FBXL2: variants seen among roughly 807,000 people sequenced by gnomAD.
FBXL2 encodes F-box/LRR-repeat protein 2.
In FBXL2, 38 loss-of-function variants were observed where a neutral mutation model predicts 69.2. That is an observed-to-expected ratio of 0.55 (90% CI 0.42 to 0.72). The LOEUF is 0.72. Among genes scored for constraint, FBXL2 ranks in the 30% least tolerant of loss-of-function variants. The pLI is 0.00. For synonymous variants in FBXL2, 192 were observed against 201.3 expected (o/e 0.95, Z 0.39); for missense variants, 354 against 520.3 (o/e 0.68, Z 3.11).
At chr3:33,415,179 CTAAT>C in the FBXL2 span, among the ~76,000 whole-genome samples, 6 of 152,204 alleles carry the variant, frequency 3.9e-5, no homozygotes, top group Non-Finnish European at 7.3e-5. Flanking sequence ...ACCTATCAGA[CTAAT>C]TATTTCTAAA....
At chr3:33,324,092 A>G (rs2038479087) in intron 2 of FBXL2, among the ~76,000 whole-genome samples, 1 of 152,068 alleles carries the variant, frequency 6.6e-6, no homozygotes, top group Non-Finnish European at 1.5e-5. Flanking sequence ...TTTGTTGGCC[A>G]CATAAATGTC....
chr3:33,359,245 T>TC (rs1445652676), intron 3 of FBXL2, 38 bp from the exon 4 acceptor site: 1 of 1,548,460 alleles, frequency 6.5e-7, no homozygotes, highest in East Asian at 2.2e-5. Flanking sequence ...TGTGTTTCTT[T>TC]CATCCCAATC....
At chr3:33,349,485 T>A (rs2040682483) in intron 2 of FBXL2, among the ~76,000 whole-genome samples, 1 of 152,202 alleles carries the variant, frequency 6.6e-6, no homozygotes, top group Non-Finnish European at 1.5e-5. Flanking sequence ...CATTTTAATG[T>A]GTTGTTGAAT....
At chr3:33,396,973 C>T in intron 12 of FBXL2, 4 of 1,403,746 alleles carry the variant, frequency 2.8e-6, no homozygotes, top group South Asian at 2.4e-5. Context: ...CGTGGAAACA[C>T]ATTCTGCCCA....
intron 2 of FBXL2, among the ~76,000 whole-genome samples, chr3:33,349,929 C>T (rs536141683): frequency 6.6e-6 from 1 of 152,186 alleles, no homozygotes; most frequent in African/African-American, 2.4e-5. Context: ...AAGCACCAGA[C>T]CCGGATGGTG....
Position 33,326,135 on chromosome 3 carries a change from C to G in FBXL2, c.65+28410C>G, listed in dbSNP as rs1316143814. The stretch of plus-strand genomic sequence containing the variant: ...TCCCTTCAGCATCCCTTAGCTCTCA[C>G]ACTCTGAGATAACAAATGTAAATAG... On this transcript the variant is annotated intron_variant, in intron 2 of 14. Coordinates refer to ENST00000484457, the MANE Select transcript of FBXL2 (RefSeq NM_012157.5). Among the ~76,000 whole-genome samples, 4 of 152,308 alleles carry G rather than the reference C, an allele frequency of 2.6e-5. 1 individual carries two copies. In the South Asian group the frequency reaches 8.3e-4, roughly 32 times the overall value.
chr3:33,335,362 T>A (rs1380147343), intron 2 of FBXL2, among the ~76,000 whole-genome samples: 1 of 152,046 alleles, frequency 6.6e-6, no homozygotes, highest in African/African-American at 2.4e-5. Context: ...AAATATGAAA[T>A]CCCTTTTACC....
intron 2 of FBXL2, among the ~76,000 whole-genome samples, chr3:33,329,662 A>C (rs1391480458): frequency 6.6e-6 from 1 of 152,248 alleles, no homozygotes; most frequent in Non-Finnish European, 1.5e-5. Context: ...CCAAGTACAG[A>C]AAGACAAATA....
chr3:33,313,122 GA>G (rs200519700), intron 2 of FBXL2, among the ~76,000 whole-genome samples: 119 of 126,752 alleles, frequency 9.4e-4, no homozygotes, highest in Admixed American at 2.1e-3. Context: ...CCGTCTCCAA[GA>G]AAAAAAAAAA....
At chr3:33,365,858 T>C (rs1478097782) in intron 5 of FBXL2, among the ~76,000 whole-genome samples, 1 of 152,172 alleles carries the variant, frequency 6.6e-6, no homozygotes, top group Non-Finnish European at 1.5e-5. Flanking sequence ...TTGGCTAAAA[T>C]TAGGATATAC....
chr3:33,348,285 T>A (rs1436049950), intron 2 of FBXL2, among the ~76,000 whole-genome samples: 6 of 152,154 alleles, frequency 3.9e-5, no homozygotes, highest in Non-Finnish European at 8.8e-5. Flanking sequence ...GAGACTGTCT[T>A]TTCTCCAGGA....
At chr3:33,277,172 A>C, upstream of FBXL2, 7 of 285,748 alleles carry the variant, frequency 2.4e-5, no homozygotes, top group Admixed American at 6.0e-5. Context: ...CATTACCTGT[A>C]TAACGTTTTT....
At chr3:33,362,194 C>G (rs2041672223) in intron 4 of FBXL2, among the ~76,000 whole-genome samples, 1 of 152,144 alleles carries the variant, frequency 6.6e-6, no homozygotes, top group African/African-American at 2.4e-5. Context: ...ATCACTCTTT[C>G]CTGAATACGT....
At chr3:33,300,837 T>G (rs1367144937) in intron 2 of FBXL2, among the ~76,000 whole-genome samples, 1 of 151,764 alleles carries the variant, frequency 6.6e-6, no homozygotes, top group Non-Finnish European at 1.5e-5. Flanking sequence ...GCCTCCTGTG[T>G]AGCTGGGACT....
At chr3:33,307,278 G>A (rs1160570292) in intron 2 of FBXL2, among the ~76,000 whole-genome samples, 2 of 152,092 alleles carry the variant, frequency 1.3e-5, no homozygotes, top group Middle Eastern at 3.2e-3. Context: ...TTTATAACCC[G>A]AATCTAATCA....
intron 2 of FBXL2, among the ~76,000 whole-genome samples, chr3:33,328,800 CATGT>C (rs763743065): frequency 6.4e-5 from 8 of 125,230 alleles, no homozygotes; most frequent in African/African-American, 1.7e-4. Flanking sequence ...TGTGTGTGTG[CATGT>C]GTGTGTGTGT....
At chr3:33,340,197 T>C (rs1338364767) in intron 2 of FBXL2, among the ~76,000 whole-genome samples, 4 of 151,548 alleles carry the variant, frequency 2.6e-5, no homozygotes, top group African/African-American at 9.7e-5. Context: ...ATGTCGAGAG[T>C]GAGATAGTGG....
intron 12 of FBXL2, among the ~76,000 whole-genome samples, chr3:33,395,578 A>G (rs2043945345): frequency 6.6e-6 from 1 of 152,020 alleles, no homozygotes; most frequent in Admixed American, 6.5e-5. Flanking sequence ...CGTACTGGGT[A>G]GTATTATTTA....
At chr3:33,283,839 G>A (rs1250057148) in intron 1 of FBXL2, among the ~76,000 whole-genome samples, 1 of 152,164 alleles carries the variant, frequency 6.6e-6, no homozygotes, top group Non-Finnish European at 1.5e-5. Context: ...TTTGCATAGA[G>A]GTGTTTACAG....
Sources: allele counts gnomAD v4.1 joint callset (sites outside exome capture counted in the v4.1 genomes callset), GRCh38; gene constraint gnomAD v4.1.1; transcripts MANE v1.5; gene names NCBI Gene and HGNC (gene_info 2026-07-23, HGNC 2026-07-21).